CYP2C19: variants seen among roughly 807,000 people sequenced by gnomAD.
CYP2C19 encodes the protein cytochrome P450 2C19.
A neutral mutation model predicts 40.9 loss-of-function variants in CYP2C19; 59 were observed. The ratio of observed to expected loss-of-function variants is 1.44; its 90% CI spans 1.17 to 1.79. The LOEUF (loss-of-function observed/expected upper bound fraction) is 1.79, where lower values mean the gene tolerates loss of function less well. CYP2C19 is among the 40% of genes most tolerant of loss of function. CYP2C19 has a pLI of 0.00. For synonymous variants in CYP2C19, 253 were observed against 208.7 expected (o/e 1.21, Z -1.83); for missense variants, 754 against 596.9 (o/e 1.26, Z -2.74).
rs536438029 is a variant in CYP2C19, at chr10:94,813,057, A to G, written c.820-7439A>G. Reference sequence around the variant, plus strand: ...ACCTTTGAATGGGTTTTTTGCGTGGACATCCTTTTTGTTGATGTTGATGCT... The same window carrying G: ...ACCTTTGAATGGGTTTTTTGCGTGGGCATCCTTTTTGTTGATGTTGATGCT... On this transcript the variant is annotated intron_variant, in intron 5 of 8. Transcript: ENST00000371321. 2.9e-3 allele frequency among the ~76,000 whole-genome samples: 438 copies of G among 150,764 alleles called. 2 individuals are homozygous for G. The highest frequency in any genetic ancestry group is 0.01 in the African/African-American group (410 of 40,796).
chr10:94,848,917 C>A (rs761238055), intron 7 of CYP2C19, among the ~76,000 whole-genome samples: 2 of 151,928 alleles, frequency 1.3e-5, no homozygotes, highest in South Asian at 2.1e-4. Context: ...TGATTTTTGT[C>A]CATTGATTTT....
chr10:94,814,619 G>A (rs1016068529), intron 5 of CYP2C19, among the ~76,000 whole-genome samples: 6 of 151,702 alleles, frequency 4.0e-5, no homozygotes, highest in Non-Finnish European at 8.8e-5. Context: ...GTAGAAGTTT[G>A]CAGCAGTATC....
chr10:94,815,333 T>A (rs1183924177), intron 5 of CYP2C19, among the ~76,000 whole-genome samples: 1 of 152,202 alleles, frequency 6.6e-6, no homozygotes. Context: ...ATGACACAGG[T>A]CACTTGGAGA....
intron 1 of CYP2C19, among the ~76,000 whole-genome samples, chr10:94,771,367 T>C (rs1564659729): frequency 6.6e-6 from 1 of 152,044 alleles, no homozygotes; most frequent in Non-Finnish European, 1.5e-5. Context: ...GGGATGTAAA[T>C]TGCAAGCTTT....
chr10:94,842,795 A>T, intron 6 of CYP2C19, 42 bp from the exon 7 acceptor site: 1 of 1,603,196 alleles, frequency 6.2e-7, no homozygotes, highest in South Asian at 1.1e-5. Flanking sequence ...CAAATGTTCC[A>T]TTTCTCTCCT....
chr10:94,790,099 T>C (rs541398013), intron 5 of CYP2C19, among the ~76,000 whole-genome samples: 1 of 151,918 alleles, frequency 6.6e-6, no homozygotes, highest in East Asian at 1.9e-4. Flanking sequence ...TTATTCTCTT[T>C]GTAGCAATTG....
At chr10:94,815,301 T>C (rs1848984337) in intron 5 of CYP2C19, among the ~76,000 whole-genome samples, 1 of 152,196 alleles carries the variant, frequency 6.6e-6, no homozygotes, top group Admixed American at 6.5e-5. Flanking sequence ...ATTTCAGTGG[T>C]GTTAACTACA....
rs181956013 is a variant in CYP2C19 at position 94,826,720 on chromosome 10, C to A, written c.961+6083C>A. Among the ~76,000 whole-genome samples, 518 of 152,324 alleles carry A rather than the reference C, an allele frequency of 3.4e-3. 2 individuals are homozygous for A. The highest frequency in any genetic ancestry group is 0.012 in the African/African-American group (502 of 41,562). ...GTTGAATAGGAGTGGCAAGAGAAGG[C>A]ATCCCTGTCTTGTGCCAGTTTTCAA... On this transcript the variant is annotated intron_variant, in intron 6 of 8. Transcript: ENST00000371321.
intron 5 of CYP2C19, among the ~76,000 whole-genome samples, chr10:94,809,579 C>T (rs1848883996): frequency 6.6e-6 from 1 of 151,564 alleles, no homozygotes; most frequent in Admixed American, 6.6e-5. Flanking sequence ...GCCTGATTGC[C>T]CTGGTCAGAA....
At chr10:94,793,526 A>G (rs1475056560) in intron 5 of CYP2C19, among the ~76,000 whole-genome samples, 2 of 152,124 alleles carry the variant, frequency 1.3e-5, no homozygotes, top group Non-Finnish European at 2.9e-5. Context: ...GGTGACATAC[A>G]GATGGTGTTT....
intron 5 of CYP2C19, among the ~76,000 whole-genome samples, chr10:94,798,217 C>T (rs1156881669): frequency 6.6e-6 from 1 of 152,106 alleles, no homozygotes; most frequent in Non-Finnish European, 1.5e-5. Flanking sequence ...TTTCAAAGAA[C>T]ATCTTTATTT....
rs377027944 is a variant in CYP2C19, at chr10:94,777,727, A to G, written c.481+2188A>G. 7.2e-5 allele frequency among the ~76,000 whole-genome samples: 11 copies of G among 152,294 alleles called. No homozygotes were observed. In the East Asian group the frequency reaches 1.2e-3, roughly 16 times the overall value. ...GAGAAAAACCCAGGTAATACCATTC[A>G]GGACATAAGCATGGGCAAAGACTTC... On this transcript the variant is annotated intron_variant, in intron 3 of 8. Coordinates refer to ENST00000371321, the MANE Select transcript of CYP2C19 (RefSeq NM_000769.4).
chr10:94,801,973 A>G (rs1246795491), intron 5 of CYP2C19, among the ~76,000 whole-genome samples: 1 of 152,204 alleles, frequency 6.6e-6, no homozygotes, highest in South Asian at 2.1e-4. Context: ...GAGCGAAAGA[A>G]CAAAGCTTTG....
chr10:94,778,294 T>C (rs1458721110), intron 3 of CYP2C19, among the ~76,000 whole-genome samples: 1 of 152,126 alleles, frequency 6.6e-6, no homozygotes, highest in Non-Finnish European at 1.5e-5. Context: ...TTGTACATAC[T>C]CCTCGTCCTC....
chr10:94,794,158 C>T (rs1326039976), intron 5 of CYP2C19, among the ~76,000 whole-genome samples: 1 of 152,144 alleles, frequency 6.6e-6, no homozygotes, highest in Admixed American at 6.5e-5. Context: ...ACCCTCTGAG[C>T]CACGCATGGG....
intron 5 of CYP2C19, among the ~76,000 whole-genome samples, chr10:94,788,008 G>A (rs1589352400): frequency 6.6e-6 from 1 of 152,070 alleles, no homozygotes; most frequent in South Asian, 2.1e-4. Flanking sequence ...AGCATGAACT[G>A]TTTTTTCATT....
intron 5 of CYP2C19, among the ~76,000 whole-genome samples, chr10:94,818,100 C>T (rs375894107): frequency 6.8e-6 from 1 of 147,546 alleles, no homozygotes; most frequent in Non-Finnish European, 1.5e-5. Context: ...TTTCAGCTTT[C>T]TACATATGGC....
chr10:94,780,630 A>G lies in CYP2C19; in HGVS notation c.613A>G (p.Ile205Val). Residue 205 changes from isoleucine (I) to valine (V), a missense_variant, in exon 4 of 9, where the codon ATC becomes GTC. Transcript: ENST00000371321. ...LNLMEKLNEN[I>V]RIVSTPWIQI... ...CTTGATGGAAAAATTGAATGAAAAC[A>G]TCAGGATTGTAAGCACCCCCTGGAT... 2 of 1,613,818 alleles carry G rather than the reference A, an allele frequency of 1.2e-6. No individual in the cohort carries two copies. Among genetic ancestry groups the G allele is most frequent in the East Asian group, 2.2e-5 (1 of 44,868 alleles).
chr10:94,770,768 G>A (rs1307370503), intron 1 of CYP2C19, among the ~76,000 whole-genome samples: 1 of 152,048 alleles, frequency 6.6e-6, no homozygotes, highest in African/African-American at 2.4e-5. Context: ...TAATTCATGG[G>A]CTTTTTCCTA....
Sources: gnomAD v4.1 joint callset for allele counts (sites outside exome capture counted in the v4.1 genomes callset) on GRCh38, gnomAD v4.1.1 for gene constraint, MANE v1.5 for transcripts, NCBI Gene and HGNC (gene_info 2026-07-23, HGNC 2026-07-21) for gene names.